The following ARHGAP21 variants were observed in gnomAD, a reference collection of about 807,000 sequenced individuals.
ARHGAP21 encodes Rho GTPase activating protein 21.
ARHGAP21 carries 38 observed loss-of-function variants against 164.6 expected under a neutral mutation model. The ratio of observed to expected loss-of-function variants is 0.23; its 90% CI spans 0.18 to 0.30. ARHGAP21 has a LOEUF of 0.30. Ranked by LOEUF, ARHGAP21 falls within the 10% of genes least tolerant of loss-of-function variation. The pLI is 1.00. For missense variants in ARHGAP21, 1,822 were observed against 2,370.7 expected (o/e 0.77, Z 4.81); for synonymous variants, 766 against 857.9 (o/e 0.89, Z 1.87).
intron 4 of ARHGAP21, among the ~76,000 whole-genome samples, chr10:24,663,846 TG>T (rs920208724): frequency 6.6e-6 from 1 of 152,072 alleles, no homozygotes. Context: ...TTCTTTGTTG[TG>T]GGGGGGCTGC....
intron 4 of ARHGAP21, among the ~76,000 whole-genome samples, chr10:24,646,554 G>C (rs1037334715): frequency 6.6e-6 from 1 of 152,158 alleles, no homozygotes; most frequent in African/African-American, 2.4e-5. Context: ...GGAGGCTGCA[G>C]TGAGCTGAGA....
At position 24,591,885 on chromosome 10, in the gene ARHGAP21, A is replaced by C; in HGVS notation, c.4002+2T>G. The C allele has an allele frequency of 6.2e-7, 1 of 1,603,914 alleles. No homozygotes were observed. The highest frequency in any genetic ancestry group is 8.5e-7 in the Non-Finnish European group (1 of 1,177,008). ...ACTTACAGAGATGAAGCATGAACTT[A>C]CGTGCTGGATGAGCGTTTCTACAAT... On this transcript the variant is annotated splice_donor_variant, in intron 22 of 25. Transcript: ENST00000396432. LOFTEE classifies it high-confidence loss of function.
intron 4 of ARHGAP21, among the ~76,000 whole-genome samples, chr10:24,661,200 G>A (rs117313005): frequency 0.026 from 3,919 of 150,452 alleles, 100 homozygotes; most frequent in South Asian, 0.08. Context: ...AGGGAATACA[G>A]GATGTCAGCA....
intron 4 of ARHGAP21, among the ~76,000 whole-genome samples, chr10:24,666,171 A>G (rs1468976752): frequency 6.6e-6 from 1 of 152,084 alleles, no homozygotes; most frequent in Non-Finnish European, 1.5e-5. Flanking sequence ...CTGGGATTAC[A>G]GGCGCCCGCC....
At position 24,704,712 on chromosome 10, in the gene ARHGAP21, G is replaced by A. The variant is rs974005189; in HGVS notation, c.63+17125C>T. ...TCGAACTCCTGAGATCAGGCAATCT[G>A]CCCACCTTGGCCTCCCAAAGTGCTA... On this transcript the variant is annotated intron_variant, in intron 2 of 25. Transcript: ENST00000396432. Among the ~76,000 whole-genome samples, 3 of 151,856 alleles carry A rather than the reference G, an allele frequency of 2.0e-5. No individual in the cohort carries two copies. The East Asian group carries it at 5.8e-4, about 29-fold the overall frequency.
intron 9 of ARHGAP21, among the ~76,000 whole-genome samples, chr10:24,614,775 T>G (rs1374292251): frequency 9.6e-6 from 1 of 104,484 alleles, no homozygotes; most frequent in Non-Finnish European, 1.9e-5. Flanking sequence ...AGAGTGAGAC[T>G]CCATCTCAAA....
chr10:24,706,319 T>C (rs954204102), intron 2 of ARHGAP21, among the ~76,000 whole-genome samples: 1 of 152,206 alleles, frequency 6.6e-6, no homozygotes, highest in African/African-American at 2.4e-5. Flanking sequence ...TTAACTTAAT[T>C]CTTTTAAAGT....
intron 4 of ARHGAP21, among the ~76,000 whole-genome samples, chr10:24,652,612 T>C (rs534414313): frequency 5.3e-5 from 8 of 152,262 alleles, no homozygotes; most frequent in African/African-American, 1.9e-4. Flanking sequence ...ATTTAAAGAA[T>C]GCCTACAAGT....
chr10:24,667,049 T>C (rs1055883293), intron 3 of ARHGAP21, 40 bp from the exon 4 acceptor site: 51 of 1,126,502 alleles, frequency 4.5e-5, no homozygotes, highest in Non-Finnish European at 6.1e-5. Flanking sequence ...TGAGTACATA[T>C]TTATAAACTC....
At chr10:24,707,138 T>G (rs979114425) in intron 2 of ARHGAP21, among the ~76,000 whole-genome samples, 4 of 152,218 alleles carry the variant, frequency 2.6e-5, no homozygotes, top group African/African-American at 9.6e-5. Context: ...CTTTGTTCTC[T>G]TACTACTTCT....
Position 24,722,035 on chromosome 10 carries a change from A to G in ARHGAP21, c.-136T>C, listed in dbSNP as rs1364181155. ...AGGGGCAGGGCTGTTGAAACAGACAACGTGCCAGGGAATAAAGGTTTTCAG... is the reference window on the plus strand; with the variant it reads ...AGGGGCAGGGCTGTTGAAACAGACAGCGTGCCAGGGAATAAAGGTTTTCAG... On this transcript the variant is annotated 5_prime_UTR_variant, in exon 2 of 26. Coordinates refer to ENST00000396432, the MANE Select transcript of ARHGAP21 (RefSeq NM_020824.4). 21 of 895,198 alleles carry G rather than the reference A, an allele frequency of 2.3e-5. No homozygotes were observed. Among genetic ancestry groups the G allele is most frequent in the Non-Finnish European group, 3.1e-5 (17 of 554,880 alleles). The allele number at this position is 895,198 out of a possible 1,614,324, so 55.5% of individuals were successfully genotyped here.
chr10:24,700,588 G>C (rs1843581350), intron 2 of ARHGAP21, among the ~76,000 whole-genome samples: 1 of 152,080 alleles, frequency 6.6e-6, no homozygotes, highest in African/African-American at 2.4e-5. Context: ...TTTATGATTA[G>C]GTATTCTGGA....
At chr10:24,639,497 T>C (rs1836767583) in intron 4 of ARHGAP21, among the ~76,000 whole-genome samples, 1 of 152,170 alleles carries the variant, frequency 6.6e-6, no homozygotes. Context: ...TTATAAACTT[T>C]TCAGGTTTAC....
At chr10:24,702,882 G>A (rs1370040440) in intron 2 of ARHGAP21, among the ~76,000 whole-genome samples, 2 of 152,044 alleles carry the variant, frequency 1.3e-5, no homozygotes, top group Non-Finnish European at 2.9e-5. Context: ...ATCCTGAACA[G>A]GAAACAGTTT....
At chr10:24,635,613 C>A (rs939681808) in intron 4 of ARHGAP21, among the ~76,000 whole-genome samples, 1 of 152,304 alleles carries the variant, frequency 6.6e-6, no homozygotes, top group Non-Finnish European at 1.5e-5. Flanking sequence ...GTGGTGCAAT[C>A]TTGGCTCACT....
At chr10:24,692,769 T>C (rs1349067615) in intron 2 of ARHGAP21, among the ~76,000 whole-genome samples, 3 of 151,678 alleles carry the variant, frequency 2.0e-5, no homozygotes, top group Non-Finnish European at 4.4e-5. Context: ...AAGGTGCAGG[T>C]TGCAGTGAGC....
intron 4 of ARHGAP21, among the ~76,000 whole-genome samples, chr10:24,665,921 G>A (rs1321306417): frequency 6.6e-6 from 1 of 152,258 alleles, no homozygotes; most frequent in Admixed American, 6.5e-5. Context: ...AAGGATACTA[G>A]CGGAAAAACT....
In ARHGAP21 at chr10:24,584,746, G is replaced by C. The variant is rs2076030194; in HGVS notation, c.5543C>G (p.Ser1848Cys). The C allele has an allele frequency of 1.2e-6, 2 of 1,613,988 alleles. No individual in the cohort carries two copies. The highest frequency in any genetic ancestry group is 1.7e-6 in the Non-Finnish European group (2 of 1,179,864). Residue 1848 changes from serine (S) to cysteine (C), a missense_variant, in exon 26 of 26, where the codon TCC becomes TGC. Physicochemically the swap from Ser to Cys is moderately radical, Grantham distance 112 (BLOSUM62 -1). Around this residue, in one of 5 missense-constraint regions of ARHGAP21, gnomAD observed 165 missense variants for 176.6 expected, o/e 0.93. Transcript: ENST00000396432. The stretch of plus-strand genomic sequence containing the variant: ...TTCCCTGGCCAGCCAGTCTGAGATG[G>C]AAAGGTCCTGGGCTGAGCATTTTGG... ...LKPKCSAQDL[S>C]ISDWLARERL...
intron 11 of ARHGAP21, 42 bp downstream of exon 11, chr10:24,607,457 C>T (rs1446986005): frequency 6.5e-7 from 1 of 1,533,314 alleles, no homozygotes; most frequent in Admixed American, 1.7e-5. Context: ...GCTGAACACC[C>T]ACCCACATAC....
Sources: allele counts gnomAD v4.1 joint callset (sites outside exome capture counted in the v4.1 genomes callset), GRCh38; gene constraint gnomAD v4.1.1; regional missense constraint gnomAD v4.1.1; transcripts MANE v1.5; gene names NCBI Gene and HGNC (gene_info 2026-07-23, HGNC 2026-07-21).